Variants in CTNNA2 observed in about 807,000 individuals in gnomAD.
CTNNA2 encodes the protein catenin alpha-2.
In CTNNA2, 42 loss-of-function variants were observed where a neutral mutation model predicts 101.0. The ratio of observed to expected loss-of-function variants is 0.42; its 90% CI spans 0.32 to 0.54. The LOEUF is 0.54. Among genes scored for constraint, CTNNA2 ranks in the 20% least tolerant of loss-of-function variants. The pLI is 0.14. For missense variants in CTNNA2, 871 were observed against 1,223.1 expected, an observed-to-expected ratio of 0.71 and a Z score of 4.29; for synonymous variants, 450 against 456.4, an observed-to-expected ratio of 0.99 and a Z score of 0.18.
intron 7 of CTNNA2, among the ~76,000 whole-genome samples, chr2:80,377,916 T>G (rs940695289): frequency 6.6e-6 from 1 of 152,212 alleles, no homozygotes; most frequent in Admixed American, 6.5e-5. Flanking sequence ...TTAACATTCT[T>G]TGACTCCCAA....
At chr2:79,585,683 A>T (rs1676437852) in intron 1 of CTNNA2, among the ~76,000 whole-genome samples, 2 of 151,938 alleles carry the variant, frequency 1.3e-5, no homozygotes, top group African/African-American at 4.8e-5. Context: ...GCCCTTGTCT[A>T]CCCTGGCCTG....
At chr2:79,973,525 T>A (rs560395379) in intron 7 of CTNNA2, among the ~76,000 whole-genome samples, 1 of 152,032 alleles carries the variant, frequency 6.6e-6, no homozygotes, top group African/African-American at 2.4e-5. Context: ...TGGAAAAAAA[T>A]ATTGAAGCCT....
intron 3 of CTNNA2, chr2:79,319,896 G>T (rs912312840): frequency 6.6e-6 from 1 of 152,188 alleles, no homozygotes; most frequent in Admixed American, 6.6e-5. Context: ...GGGGCAAGCT[G>T]GGGCCCCAGG....
At chr2:80,070,317 G>A (rs186112819) in intron 7 of CTNNA2, among the ~76,000 whole-genome samples, 1 of 152,280 alleles carries the variant, frequency 6.6e-6, no homozygotes, top group African/African-American at 2.4e-5. Context: ...TATATGAGGG[G>A]ATTGTGAGTG....
At chr2:79,563,280 T>A (rs1038688044) in intron 1 of CTNNA2, among the ~76,000 whole-genome samples, 1 of 151,764 alleles carries the variant, frequency 6.6e-6, no homozygotes, top group African/African-American at 2.4e-5. Context: ...ATTTATATAA[T>A]TTATGATGGG....
Position 80,555,776 on chromosome 2 carries a change from G to T in CTNNA2, c.1624G>T (p.Ala542Ser). ...DVDTLDRTAG[A>S]IRGRAARVIH... is the part of the protein sequence containing the mutation. The stretch of plus-strand genomic sequence containing the variant: ...GGACACTCTGGACCGGACTGCAGGG[G>T]CCATCAGGGGCCGGGCAGCTCGAGT... The change falls in exon 12 of 19, where the codon GCC becomes TCC. Residue 542 changes from alanine to serine, a missense_variant. Transcript: ENST00000402739. 6.2e-7 allele frequency: 1 copy of T among 1,600,192 alleles called. No individual in the cohort carries two copies. The highest frequency in any genetic ancestry group is 8.5e-7 in the Non-Finnish European group (1 of 1,173,508).
At chr2:79,965,168 C>G (rs1314334377) in intron 7 of CTNNA2, among the ~76,000 whole-genome samples, 1 of 152,114 alleles carries the variant, frequency 6.6e-6, no homozygotes, top group Non-Finnish European at 1.5e-5. Context: ...GACAAGCACT[C>G]CCTGTAACAC....
intron 4 of CTNNA2, among the ~76,000 whole-genome samples, chr2:79,862,115 A>G (rs1336420538): frequency 6.6e-6 from 1 of 152,226 alleles, no homozygotes; most frequent in Non-Finnish European, 1.5e-5. Context: ...AGGACACATA[A>G]ACTCATGTAG....
At chr2:80,070,748 A>G (rs2148777807) in intron 7 of CTNNA2, among the ~76,000 whole-genome samples, 1 of 149,844 alleles carries the variant, frequency 6.7e-6, no homozygotes, top group Non-Finnish European at 1.5e-5. Flanking sequence ...AATCAGTTCC[A>G]TTGGGCCAAA....
intron 1 of CTNNA2, among the ~76,000 whole-genome samples, chr2:79,550,030 G>A (rs1022301548): frequency 6.6e-6 from 1 of 152,134 alleles, no homozygotes; most frequent in Non-Finnish European, 1.5e-5. Context: ...AACTGGGCTG[G>A]AACTCCATTT....
chr2:80,576,786 T>TAAAAAAAAAAAA (rs1558606620), intron 13 of CTNNA2, among the ~76,000 whole-genome samples: 18 of 112,080 alleles, frequency 1.6e-4, no homozygotes, highest in East Asian at 2.7e-4. Flanking sequence ...CTGTCTCTAC[T>TAAAAAAAAAAAA]GAAAAAAAAA....
intron 1 of CTNNA2, among the ~76,000 whole-genome samples, chr2:79,578,736 C>T (rs770811302): frequency 2.0e-5 from 3 of 152,152 alleles, no homozygotes; most frequent in African/African-American, 7.2e-5. Flanking sequence ...GCCTGTTTGA[C>T]AGTCTCCAAG....
intron 7 of CTNNA2, among the ~76,000 whole-genome samples, chr2:80,271,473 G>A (rs552534668): frequency 6.6e-6 from 1 of 150,538 alleles, no homozygotes; most frequent in East Asian, 2.0e-4. Flanking sequence ...TCAGGCTGGA[G>A]TGCAGTGGCG....
intron 7 of CTNNA2, among the ~76,000 whole-genome samples, chr2:80,136,558 C>A (rs1045939418): frequency 6.6e-6 from 1 of 152,082 alleles, no homozygotes; most frequent in African/African-American, 2.4e-5. Flanking sequence ...AACTATAGTT[C>A]TTTTGTGTTG....
intron 7 of CTNNA2, among the ~76,000 whole-genome samples, chr2:80,297,067 G>A (rs1053649539): frequency 3.9e-5 from 6 of 152,154 alleles, no homozygotes; most frequent in African/African-American, 1.4e-4. Flanking sequence ...CTGGAACCCC[G>A]GAGAAGTCTC....
chr2:79,693,604 T>C (rs1265546450), intron 2 of CTNNA2, among the ~76,000 whole-genome samples: 1 of 151,864 alleles, frequency 6.6e-6, no homozygotes, highest in East Asian at 1.9e-4. Flanking sequence ...CCTTGAAAAC[T>C]TAGGGTGGGT....
intron 2 of CTNNA2, among the ~76,000 whole-genome samples, chr2:79,256,679 T>TAA (rs1674848276): frequency 6.6e-6 from 1 of 152,240 alleles, no homozygotes; most frequent in Non-Finnish European, 1.5e-5. Flanking sequence ...CTGTCCGAGT[T>TAA]ACTCCTGGGA....
rs1676104506 is a variant in CTNNA2, at chr2:80,300,056, T to C, written c.1057-93155T>C. On this transcript the variant is annotated intron_variant, in intron 7 of 18. Coordinates refer to ENST00000402739, the MANE Select transcript of CTNNA2 (RefSeq NM_001282597.3). ...ATCCCTGAGAGAATCTTTTTCCTGCTACCCCTGCTCTTGGAGTGGTATGCT... is the reference window on the plus strand; with the variant it reads ...ATCCCTGAGAGAATCTTTTTCCTGCCACCCCTGCTCTTGGAGTGGTATGCT... 3.3e-5 allele frequency among the ~76,000 whole-genome samples: 5 copies of C among 152,294 alleles called. No individual in the cohort carries two copies. The South Asian group carries it at 1.0e-3, about 32-fold the overall frequency.
At chr2:80,164,950 T>TTTTTTTTTTTTTTTTTTTTTG (rs1553461433) in intron 7 of CTNNA2, among the ~76,000 whole-genome samples, 1 of 148,784 alleles carries the variant, frequency 6.7e-6, no homozygotes, top group African/African-American at 2.5e-5. Flanking sequence ...TTTTTTTTTT[T>TTTTTTTTTTTTTTTTTTTTTG]TTTTTTTCTA....
Sources: allele counts gnomAD v4.1 joint callset (sites outside exome capture counted in the v4.1 genomes callset), GRCh38; gene constraint gnomAD v4.1.1; transcripts MANE v1.5; gene names NCBI Gene and HGNC (gene_info 2026-07-23, HGNC 2026-07-21).